The following PCNX1 variants were observed in gnomAD, a reference collection of about 807,000 sequenced individuals.
PCNX1 encodes pecanex 1, also known as pecanex-like protein 1.
Under a neutral mutation model 242.2 loss-of-function variants are expected in PCNX1, and 78 were observed. The ratio of observed to expected loss-of-function variants is 0.32; its 90% confidence interval spans 0.27 to 0.39. The LOEUF is 0.39. Ranked by LOEUF, PCNX1 falls within the 10% of genes least tolerant of loss-of-function variation. The probability of loss-of-function intolerance (pLI) is 1.00; values close to 1 mark genes in which losing one functional copy is unlikely to be tolerated. For synonymous variants in PCNX1, 1,024 were observed against 1,032.9 expected, an observed-to-expected ratio of 0.99 and a Z score of 0.17; for missense variants, 2,581 against 2,856.5, an observed-to-expected ratio of 0.90 and a Z score of 2.20.
chr14:71,013,645 A>T (rs1309796551), intron 11 of PCNX1, among the ~76,000 whole-genome samples: 1 of 151,858 alleles, frequency 6.6e-6, no homozygotes, highest in Non-Finnish European at 1.5e-5. Context: ...ACAGGATTGG[A>T]TTTATCATCT....
rs556802678 is a variant in PCNX1, at chr14:70,949,362, CATAT to C, written c.362+2243_362+2246del. Among the ~76,000 whole-genome samples the C allele has an allele frequency of 2.3e-3, 327 of 143,696 alleles. 2 individuals are homozygous for C. Among genetic ancestry groups the C allele is most frequent in the Middle Eastern group, 7.4e-3 (2 of 270 alleles). The allele number at this position is 143,696 out of a possible 152,430, so 94.3% of individuals were successfully genotyped here. On this transcript the variant is annotated intron_variant, in intron 2 of 35. Transcript: ENST00000304743. ...GTGCATACACGCACGTGCATATATA[CATAT>C]ATAGACACATACGTGTATATACATA...
intron 12 of PCNX1, among the ~76,000 whole-genome samples, chr14:71,021,968 T>C (rs934195897): frequency 6.6e-6 from 1 of 152,190 alleles, no homozygotes; most frequent in African/African-American, 2.4e-5. Context: ...TATGAGTTAT[T>C]TCCAGATTTA....
At chr14:70,969,225 G>A (rs1450720931) in intron 5 of PCNX1, 115 bp downstream of exon 5, 2 of 688,074 alleles carry the variant, frequency 2.9e-6, no homozygotes, top group East Asian at 2.6e-5. Flanking sequence ...TGATATTTAA[G>A]GAAACATTAA....
At chr14:71,087,995 T>C (rs2062036223) in intron 28 of PCNX1, among the ~76,000 whole-genome samples, 1 of 152,054 alleles carries the variant, frequency 6.6e-6, no homozygotes, top group Non-Finnish European at 1.5e-5. Context: ...AGCTAATAGA[T>C]AGAAATATTG....
chr14:71,004,417 T>C (rs775557925), intron 8 of PCNX1, among the ~76,000 whole-genome samples: 1 of 152,188 alleles, frequency 6.6e-6, no homozygotes, highest in Non-Finnish European at 1.5e-5. Flanking sequence ...TCCTGTCAGG[T>C]CAGTGGCAGC....
chr14:70,978,223 C>T lies in PCNX1; in HGVS notation c.1886C>T (p.Thr629Ile). 6.2e-7 allele frequency: 1 copy of T among 1,614,124 alleles called. No homozygotes were observed. Among genetic ancestry groups the T allele is most frequent in the East Asian group, 2.2e-5 (1 of 44,886 alleles). Residue 629 changes from threonine (T) to isoleucine (I), a missense_variant, in exon 6 of 36, where the codon ACT becomes ATT. Physicochemically the swap from Thr to Ile is moderately conservative, Grantham distance 89. This residue lies in a region of PCNX1 where 1,204 missense variants were observed against 1,216.7 expected (regional missense o/e 0.99). Coordinates refer to ENST00000304743, the MANE Select transcript of PCNX1 (RefSeq NM_014982.3). The stretch of plus-strand genomic sequence containing the variant: ...AGCAGTGATAGCTCTTCTAGCACCA[C>T]TTCTCATTCCTGTCAGTCTCCTGAG... The part of the protein sequence containing the change: ...QFSSDSSSST[T>I]SHSCQSPEGR...
intron 27 of PCNX1, among the ~76,000 whole-genome samples, chr14:71,075,871 G>A (rs1035485726): frequency 2.6e-5 from 4 of 151,994 alleles, no homozygotes; most frequent in African/African-American, 9.7e-5. Flanking sequence ...GGGCGACAGA[G>A]TAAGACTCTG....
At chr14:71,002,016 A>G (rs1595196638) in intron 8 of PCNX1, among the ~76,000 whole-genome samples, 1 of 152,274 alleles carries the variant, frequency 6.6e-6, no homozygotes, top group East Asian at 1.9e-4. Context: ...CATTGGCCAT[A>G]CATAATCATG....
intron 22 of PCNX1, chr14:71,049,233 T>C: frequency 5.1e-6 from 2 of 390,764 alleles, no homozygotes; most frequent in Non-Finnish European, 7.0e-6. Flanking sequence ...AATATATTTT[T>C]TAAAACAAAA....
chr14:71,061,022 G>A (rs2061313129), intron 26 of PCNX1, among the ~76,000 whole-genome samples: 1 of 152,180 alleles, frequency 6.6e-6, no homozygotes, highest in African/African-American at 2.4e-5. Flanking sequence ...TGGAACTCTA[G>A]ATAAGCTGAT....
chr14:70,940,798 C>A (rs1202303808), intron 1 of PCNX1, among the ~76,000 whole-genome samples: 2 of 152,104 alleles, frequency 1.3e-5, no homozygotes, highest in African/African-American at 4.8e-5. Context: ...TCACATAGTC[C>A]CATATTTCTT....
At chr14:70,963,077 G>C (rs1399113266) in intron 3 of PCNX1, among the ~76,000 whole-genome samples, 1 of 152,150 alleles carries the variant, frequency 6.6e-6, no homozygotes, top group Non-Finnish European at 1.5e-5. Context: ...ATCAGGGTCT[G>C]GACTAGACCG....
Position 70,907,948 on chromosome 14 carries a change from C to T in PCNX1, c.98C>T (p.Ala33Val), listed in dbSNP as rs780396004. ...YDPHQATFVNALHLYLWLFLL... is the reference protein window; with the variant it reads ...YDPHQATFVNVLHLYLWLFLL... ...CCGCACCAGGCCACCTTCGTGAACG[C>T]GCTGCACCTCTACCTGTGGCTCTTT... The change falls in exon 1 of 36, where the codon GCG (alanine) becomes GTG (valine). Residue 33 changes from alanine (A) to valine (V), a missense_variant. Physicochemically the swap from Ala to Val is moderately conservative, Grantham distance 64. Around this residue, in one of 9 missense-constraint regions of PCNX1, gnomAD observed 1,204 missense variants for 1,216.7 expected, o/e 0.99. Transcript: ENST00000304743. The T allele has an allele frequency of 6.3e-7, 1 of 1,597,772 alleles. No individual in the cohort carries two copies. Among genetic ancestry groups the T allele is most frequent in the South Asian group, 1.1e-5 (1 of 89,432 alleles).
intron 1 of PCNX1, among the ~76,000 whole-genome samples, chr14:70,914,931 A>AC (rs886930792): frequency 5.3e-5 from 8 of 151,936 alleles, no homozygotes; most frequent in Admixed American, 5.2e-4. Context: ...TTTCTGCTTG[A>AC]CCTTCTGAGT....
At chr14:70,994,427 A>ATATATATATATATATATATGTATG (rs930212552) in intron 7 of PCNX1, among the ~76,000 whole-genome samples, 2 of 88,710 alleles carry the variant, frequency 2.3e-5, no homozygotes, top group African/African-American at 4.2e-5. Flanking sequence ...ATATATATAT[A>ATATATATATATATATATATGTATG]TATGTATGTA....
rs561403733 is a variant in PCNX1 at position 71,023,011 on chromosome 14, T to A, written c.3151-189T>A. Among the ~76,000 whole-genome samples, 4 of 152,210 alleles carry A rather than the reference T, an allele frequency of 2.6e-5. No homozygotes were observed. The South Asian group carries it at 8.3e-4, about 32-fold the overall frequency. Reference sequence around the variant, plus strand: ...GACTCTTATCAGGAAAGATTTGATATGTTTTTAATATCACAGTGACACTGG... The same window carrying A: ...GACTCTTATCAGGAAAGATTTGATAAGTTTTTAATATCACAGTGACACTGG... On this transcript the variant is annotated intron_variant, in intron 12 of 35. Transcript: ENST00000304743.
chr14:70,911,399 T>G (rs2055900929), intron 1 of PCNX1, among the ~76,000 whole-genome samples: 1 of 152,234 alleles, frequency 6.6e-6, no homozygotes, highest in Admixed American at 6.5e-5. Flanking sequence ...GTGGATACTT[T>G]GAAAGGTGGA....
chr14:71,023,062 G>C, intron 12 of PCNX1, 138 bp from the exon 13 acceptor site: 1 of 674,774 alleles, frequency 1.5e-6, no homozygotes, highest in Non-Finnish European at 2.7e-6. Context: ...TTTCATCTCT[G>C]GAACAGAATT....
At chr14:70,949,376 T>TA (rs918757341) in intron 2 of PCNX1, among the ~76,000 whole-genome samples, 11 of 121,372 alleles carry the variant, frequency 9.1e-5, no homozygotes, top group African/African-American at 3.4e-4. Context: ...TATAGACACA[T>TA]ACGTGTATAT....
Sources: gnomAD v4.1 joint callset for allele counts (sites outside exome capture counted in the v4.1 genomes callset) on GRCh38, gnomAD v4.1.1 for gene constraint, gnomAD v4.1.1 regional missense constraint, MANE v1.5 for transcripts, NCBI Gene and HGNC (gene_info 2026-07-23, HGNC 2026-07-21) for gene names.